Variants in RMST observed in about 807,000 individuals in gnomAD.
RMST encodes the protein long intergenic non-protein coding RNA 54.
At chr12:97,553,949 CTTTTTTTTT>C (rs756008010) in intron 11 of RMST, among the ~76,000 whole-genome samples, 1 of 120,284 alleles carries the variant, frequency 8.3e-6, no homozygotes, top group African/African-American at 3.4e-5. Context: ...TTTTCTTTCT[CTTTTTTTTT>C]TTTTTTTTTT....
chr12:97,516,580 G>A (rs1450524097), intron 10 of RMST, among the ~76,000 whole-genome samples: 1 of 151,750 alleles, frequency 6.6e-6, no homozygotes, highest in African/African-American at 2.4e-5. Context: ...AGGAGTGAAG[G>A]TAGATTACAA....
chr12:97,482,085 A>T lies in RMST; in HGVS notation n.645-10376A>T, dbSNP rs574150332. On this transcript the variant is annotated intron_variant and non_coding_transcript_variant, in intron 5 of 13. Transcript: ENST00000640149. ...AATATCAGAGAAGGAACAAACATAC[A>T]TGCCTTAAGGAATCCCTTTGGAAAC... Among the ~76,000 whole-genome samples the T allele has an allele frequency of 2.6e-5, 4 of 152,334 alleles. No individual in the cohort carries two copies. The South Asian group carries it at 8.3e-4, about 32-fold the overall frequency.
intron 11 of RMST, among the ~76,000 whole-genome samples, chr12:97,536,269 T>A (rs1008496119): frequency 1.3e-5 from 2 of 151,502 alleles, no homozygotes; most frequent in Admixed American, 6.6e-5. Flanking sequence ...AGAAGTACAG[T>A]ATTGCTGCAA....
At chr12:97,521,827 T>C (rs1217686129) in intron 10 of RMST, among the ~76,000 whole-genome samples, 2 of 152,186 alleles carry the variant, frequency 1.3e-5, no homozygotes, top group Non-Finnish European at 2.9e-5. Context: ...GATGTGACTT[T>C]ATTTATTTAT....
chr12:97,504,297 G>A lies in RMST; in HGVS notation n.1340+8241G>A, dbSNP rs144628551. ...CACACGCCTGTAGTCGCAGATACTT[G>A]GGAGGCTGAGGCAGGAAAATCGCTT... On this transcript the variant is annotated intron_variant and non_coding_transcript_variant, in intron 10 of 13. Transcript: ENST00000640149. 2.2e-3 allele frequency among the ~76,000 whole-genome samples: 329 copies of A among 151,744 alleles called. 1 individual carries two copies. Among genetic ancestry groups the A allele is most frequent in the Admixed American group, 4.0e-3 (61 of 15,238 alleles).
intron 10 of RMST, chr12:97,530,573 T>A (rs1328751264): frequency 6.6e-6 from 1 of 152,110 alleles, no homozygotes; most frequent in Admixed American, 6.6e-5. Context: ...GAATAGAATC[T>A]GTGACACGTA....
intron 11 of RMST, among the ~76,000 whole-genome samples, chr12:97,551,675 C>T (rs1163063988): frequency 6.6e-6 from 1 of 152,162 alleles, no homozygotes; most frequent in Non-Finnish European, 1.5e-5. Flanking sequence ...TCAAAGGCAT[C>T]TATATGCTAA....
At chr12:97,526,603 A>T (rs953774039) in intron 10 of RMST, among the ~76,000 whole-genome samples, 6 of 152,222 alleles carry the variant, frequency 3.9e-5, no homozygotes, top group African/African-American at 1.4e-4. Flanking sequence ...ACCAAGTAGC[A>T]TAGGAGGCAG....
intron 10 of RMST, among the ~76,000 whole-genome samples, chr12:97,528,424 G>GA (rs1486510519): frequency 6.6e-6 from 1 of 151,988 alleles, no homozygotes; most frequent in Non-Finnish European, 1.5e-5. Flanking sequence ...CTATTGCAAT[G>GA]AAAAAACATT....
intron 11 of RMST, among the ~76,000 whole-genome samples, chr12:97,556,284 T>C (rs1313408208): frequency 1.8e-4 from 27 of 152,348 alleles, no homozygotes. Flanking sequence ...ATTTCTTTTA[T>C]GTTAAATTAA....
chr12:97,511,840 C>G (rs1190338751), intron 10 of RMST, among the ~76,000 whole-genome samples: 1 of 152,156 alleles, frequency 6.6e-6, no homozygotes, highest in African/African-American at 2.4e-5. Flanking sequence ...AGGGCCATTA[C>G]TTTATAGCAC....
chr12:97,500,472 A>G (rs910652861), intron 10 of RMST, among the ~76,000 whole-genome samples: 22 of 152,166 alleles, frequency 1.4e-4, no homozygotes, highest in African/African-American at 4.3e-4. Context: ...TCCAATAATA[A>G]TGACTGCTGA....
intron 10 of RMST, among the ~76,000 whole-genome samples, chr12:97,499,126 AT>A (rs966376338): frequency 2.7e-5 from 4 of 150,230 alleles, no homozygotes; most frequent in Admixed American, 2.0e-4. Flanking sequence ...AGCTTTTTCG[AT>A]TTTTTTTTCT....
chr12:97,561,762 T>G (rs545513901), intron 13 of RMST, among the ~76,000 whole-genome samples: 180 of 151,592 alleles, frequency 1.2e-3, no homozygotes, highest in Non-Finnish European at 2.1e-3. Context: ...CCTCCTCCTT[T>G]GTTTTTCTAA....
At chr12:97,482,784 A>T (rs1427775744) in intron 5 of RMST, among the ~76,000 whole-genome samples, 2 of 143,260 alleles carry the variant, frequency 1.4e-5, no homozygotes, top group Non-Finnish European at 3.0e-5. Context: ...TTATTAAATA[A>T]ATTTATATTA....
intron 11 of RMST, among the ~76,000 whole-genome samples, chr12:97,534,742 A>AT (rs1277324703): frequency 2.0e-5 from 3 of 151,816 alleles, no homozygotes; most frequent in Non-Finnish European, 4.4e-5. Flanking sequence ...CAGCCCTGAC[A>AT]TTTTCTCTTA....
intron 5 of RMST, among the ~76,000 whole-genome samples, chr12:97,481,131 G>T (rs1741910781): frequency 6.6e-6 from 1 of 152,106 alleles, no homozygotes; most frequent in Non-Finnish European, 1.5e-5. Flanking sequence ...TTCATGTAAG[G>T]ATGCATTTAT....
chr12:97,523,968 T>C (rs1301965289), intron 10 of RMST, among the ~76,000 whole-genome samples: 6 of 148,956 alleles, frequency 4.0e-5, no homozygotes, highest in African/African-American at 7.4e-5. Context: ...CCCAGCTACT[T>C]GGGAGACTGA....
intron 11 of RMST, among the ~76,000 whole-genome samples, chr12:97,542,302 C>T (rs1034783377): frequency 6.6e-6 from 1 of 151,854 alleles, no homozygotes; most frequent in Non-Finnish European, 1.5e-5. Flanking sequence ...TATTATGCTT[C>T]TCCACTCAAG....
Sources: gnomAD v4.1 joint callset for allele counts (sites outside exome capture counted in the v4.1 genomes callset) on GRCh38, gnomAD v4.1.1 for gene constraint, MANE v1.5 for transcripts, NCBI Gene and HGNC (gene_info 2026-07-23, HGNC 2026-07-21) for gene names.